HCN1: variants seen among roughly 807,000 people sequenced by gnomAD.
The protein encoded by HCN1 is potassium/sodium hyperpolarization-activated cyclic nucleotide-gated channel 1.
A neutral mutation model predicts 78.9 loss-of-function variants in HCN1; 13 were observed. That is an observed-to-expected ratio of 0.16 (90% CI 0.11 to 0.26). The LOEUF (loss-of-function observed/expected upper bound fraction) is 0.26, where lower values mean the gene tolerates loss of function less well. HCN1 is among the 10% of genes least tolerant of loss of function. HCN1 has a pLI of 1.00. For synonymous variants in HCN1, 552 were observed against 455.5 expected (o/e 1.21, Z -2.70); for missense variants, 810 against 1,154.3 (o/e 0.70, Z 4.32).
chr5:45,518,401 G>A (rs576007499), intron 2 of HCN1, among the ~76,000 whole-genome samples: 1 of 152,008 alleles, frequency 6.6e-6, no homozygotes, highest in African/African-American at 2.4e-5. Context: ...GAAGCATGGT[G>A]GTGTGGCAGC....
chr5:45,411,616 T>C (rs1302168827), intron 3 of HCN1, among the ~76,000 whole-genome samples: 1 of 151,982 alleles, frequency 6.6e-6, no homozygotes, highest in Non-Finnish European at 1.5e-5. Context: ...TATTTTACCT[T>C]TAGGAAATAA....
At chr5:45,516,200 C>T (rs1742513766) in intron 2 of HCN1, among the ~76,000 whole-genome samples, 1 of 151,834 alleles carries the variant, frequency 6.6e-6, no homozygotes, top group African/African-American at 2.4e-5. Flanking sequence ...CAAATTTGAC[C>T]CATTCTTTTA....
At chr5:45,631,975 G>A (rs1162030633) in intron 2 of HCN1, among the ~76,000 whole-genome samples, 6 of 152,006 alleles carry the variant, frequency 3.9e-5, no homozygotes, top group Admixed American at 6.6e-5. Flanking sequence ...AATCTGATAC[G>A]TTTGGTCTTG....
At chr5:45,542,896 T>C (rs1228476503) in intron 2 of HCN1, among the ~76,000 whole-genome samples, 1 of 152,190 alleles carries the variant, frequency 6.6e-6, no homozygotes. Context: ...TTGAAGCTGT[T>C]TTTAGAATAT....
chr5:45,592,764 T>C (rs1744394255), intron 2 of HCN1, among the ~76,000 whole-genome samples: 1 of 152,172 alleles, frequency 6.6e-6, no homozygotes, highest in Admixed American at 6.5e-5. Context: ...TACATAAACA[T>C]ATTCACAGAA....
intron 1 of HCN1, among the ~76,000 whole-genome samples, chr5:45,654,645 T>C (rs1446452409): frequency 6.6e-6 from 1 of 152,170 alleles, no homozygotes; most frequent in African/African-American, 2.4e-5. Flanking sequence ...CATTTGGTTA[T>C]CTTACCGATA....
chr5:45,323,815 T>G (rs1746176657), intron 5 of HCN1, among the ~76,000 whole-genome samples: 1 of 151,928 alleles, frequency 6.6e-6, no homozygotes, highest in Non-Finnish European at 1.5e-5. Context: ...ACATGTGGTG[T>G]TTGGTTTTTT....
intron 5 of HCN1, among the ~76,000 whole-genome samples, chr5:45,338,998 G>C (rs1746520103): frequency 1.3e-5 from 2 of 152,136 alleles, no homozygotes; most frequent in Admixed American, 6.5e-5. Flanking sequence ...AAAAGCAAAA[G>C]CTGAAGAGTA....
chr5:45,462,927 T>A (rs193143657), intron 2 of HCN1, among the ~76,000 whole-genome samples: 118 of 152,126 alleles, frequency 7.8e-4, no homozygotes, highest in Middle Eastern at 3.4e-3. Flanking sequence ...TTTTACCTAG[T>A]CTAGAATAGC....
intron 2 of HCN1, among the ~76,000 whole-genome samples, chr5:45,616,337 T>A (rs566115486): frequency 6.6e-6 from 1 of 151,880 alleles, no homozygotes; most frequent in East Asian, 1.9e-4. Context: ...AATTTGAAGT[T>A]TGAGAAAAGT....
At chr5:45,395,159 CA>C (rs530209232) in intron 4 of HCN1, among the ~76,000 whole-genome samples, 47 of 141,878 alleles carry the variant, frequency 3.3e-4, no homozygotes, top group East Asian at 8.2e-4. Context: ...TGATGCAGAC[CA>C]AAAAAAAAAG....
intron 5 of HCN1, among the ~76,000 whole-genome samples, chr5:45,337,532 G>A (rs190667446): frequency 6.6e-6 from 1 of 152,192 alleles, no homozygotes; most frequent in Non-Finnish European, 1.5e-5. Context: ...TTGCCAAGTA[G>A]GTAATCCTTA....
chr5:45,349,344 T>A (rs1431636365), intron 5 of HCN1, among the ~76,000 whole-genome samples: 1 of 152,064 alleles, frequency 6.6e-6, no homozygotes, highest in Non-Finnish European at 1.5e-5. Flanking sequence ...AGACACAACA[T>A]AACAGAATCT....
chr5:45,303,945 T>C, intron 5 of HCN1, 106 bp from the exon 6 acceptor site: 1 of 1,023,250 alleles, frequency 9.8e-7, no homozygotes, highest in Non-Finnish European at 1.5e-6. Context: ...GTAATTTAAA[T>C]TTAGATACAA....
At position 45,678,723 on chromosome 5, in the gene HCN1, T is replaced by G. The variant is rs774189188; in HGVS notation, c.425+16946A>C. On this transcript the variant is annotated intron_variant, in intron 1 of 7. Coordinates refer to ENST00000303230, the MANE Select transcript of HCN1 (RefSeq NM_021072.4). Reference sequence around the variant, plus strand: ...TAGGAAGAATGTTTTCATTGGTTCTTGTAGTTTTCTGGAGTATTAAACTTA... The same window carrying G: ...TAGGAAGAATGTTTTCATTGGTTCTGGTAGTTTTCTGGAGTATTAAACTTA... Among the ~76,000 whole-genome samples, 2 of 152,030 alleles carry G rather than the reference T, an allele frequency of 1.3e-5. 1 individual carries two copies. Among genetic ancestry groups the G allele is most frequent in the South Asian group, 4.1e-4 (2 of 4,832 alleles).
Position 45,482,513 on chromosome 5 carries a change from C to T in HCN1, c.850-20506G>A, listed in dbSNP as rs144448784. ...TTTCCACAGCAAGACATCTGGGGGA[C>T]TATCAATAAATGTAATATAGTTGAG... On this transcript the variant is annotated intron_variant, in intron 2 of 7. Transcript: ENST00000303230. Among the ~76,000 whole-genome samples the T allele has an allele frequency of 1.3e-3, 193 of 152,246 alleles. 2 individuals are homozygous for T. Among genetic ancestry groups the T allele is most frequent in the Middle Eastern group, 6.8e-3 (2 of 294 alleles).
At position 45,525,999 on chromosome 5, in the gene HCN1, A is replaced by C. The variant is rs571991449; in HGVS notation, c.850-63992T>G. Among the ~76,000 whole-genome samples, 19 of 152,090 alleles carry C rather than the reference A, an allele frequency of 1.2e-4. No individual in the cohort carries two copies. The South Asian group carries it at 3.9e-3, about 31-fold the overall frequency. ...TTCTCTTTCCACCAGGTGAGAATAC[A>C]GTGAGAAGTTGGCAGTCGGCAAACC... On this transcript the variant is annotated intron_variant, in intron 2 of 7. Coordinates refer to ENST00000303230, the MANE Select transcript of HCN1 (RefSeq NM_021072.4).
At chr5:45,264,523 G>A (rs978829209) in intron 7 of HCN1, among the ~76,000 whole-genome samples, 4 of 152,130 alleles carry the variant, frequency 2.6e-5, no homozygotes, top group Non-Finnish European at 5.9e-5. Context: ...TTCATTGACT[G>A]CTAGGAATGC....
chr5:45,647,977 C>A (rs1019632593), intron 1 of HCN1, among the ~76,000 whole-genome samples: 8 of 152,160 alleles, frequency 5.3e-5, no homozygotes, highest in African/African-American at 1.9e-4. Flanking sequence ...TATTTAAATA[C>A]AAGCCAATTA....
Sources: allele counts gnomAD v4.1 joint callset (sites outside exome capture counted in the v4.1 genomes callset), GRCh38; gene constraint gnomAD v4.1.1; transcripts MANE v1.5; gene names NCBI Gene and HGNC (gene_info 2026-07-23, HGNC 2026-07-21).